The following CACNA1D variants were observed in gnomAD, a reference collection of about 807,000 sequenced individuals.
CACNA1D encodes voltage-dependent L-type calcium channel subunit alpha-1D.
A neutral mutation model predicts 257.1 loss-of-function variants in CACNA1D; 55 were observed. The observed-to-expected ratio is 0.21, with a 90% CI of 0.17 to 0.27. The LOEUF is 0.27. Among genes scored for constraint, CACNA1D ranks in the 10% least tolerant of loss-of-function variants. The probability of loss-of-function intolerance (pLI) is 1.00; values close to 1 mark genes in which losing one functional copy is unlikely to be tolerated. For synonymous variants in CACNA1D, 980 were observed against 1,014.9 expected (o/e 0.97, Z 0.65); for missense variants, 1,876 against 2,784.0 (o/e 0.67, Z 7.34).
At chr3:53,739,487 C>T (rs1171944758) in intron 20 of CACNA1D, among the ~76,000 whole-genome samples, 1 of 152,130 alleles carries the variant, frequency 6.6e-6, no homozygotes, top group Non-Finnish European at 1.5e-5. Flanking sequence ...GAAGCAGGGA[C>T]CCCAGAAAGG....
chr3:53,765,393 A>G (rs1320194708), intron 30 of CACNA1D: 1 of 152,408 alleles, frequency 6.6e-6, no homozygotes, highest in East Asian at 1.9e-4. Context: ...TCTTCCCCAA[A>G]CTCTGTTGAT....
At chr3:53,576,187 G>A (rs115753418) in intron 3 of CACNA1D, among the ~76,000 whole-genome samples, 128 of 152,244 alleles carry the variant, frequency 8.4e-4, no homozygotes, top group African/African-American at 1.6e-3. Context: ...AAACGTTACC[G>A]TCTGTTTCCA....
At chr3:53,555,464 T>TTG (rs1347376500) in intron 3 of CACNA1D, among the ~76,000 whole-genome samples, 2 of 102,678 alleles carry the variant, frequency 1.9e-5, no homozygotes, top group African/African-American at 4.2e-5. Flanking sequence ...GTGTGTGTTT[T>TTG]TTTTTTTTTT....
chr3:53,622,587 C>CAT lies in CACNA1D; in HGVS notation c.484-28191_484-28190insTA, dbSNP rs561862803. 4.7e-3 allele frequency among the ~76,000 whole-genome samples: 720 copies of CAT among 152,174 alleles called. 6 individuals carry two copies. Among genetic ancestry groups the CAT allele is most frequent in the African/African-American group, 0.016 (670 of 41,522 alleles). ...GCTAAATGATGAGAACACATGGACA[C>CAT]AGAGGGCAACAACACACACTGGGTC... On this transcript the variant is annotated intron_variant, in intron 3 of 47. Transcript: ENST00000350061.
At chr3:53,714,142 C>T (rs2094793276) in intron 9 of CACNA1D, among the ~76,000 whole-genome samples, 1 of 152,234 alleles carries the variant, frequency 6.6e-6, no homozygotes, top group East Asian at 1.9e-4. Flanking sequence ...TAACAAAGCT[C>T]TAACATTCCA....
Position 53,614,142 on chromosome 3 carries a change from A to G in CACNA1D, c.484-36637A>G, listed in dbSNP as rs200953228. 1.8e-4 allele frequency among the ~76,000 whole-genome samples: 28 copies of G among 151,474 alleles called. No homozygotes were observed. The East Asian group carries it at 2.9e-3, about 16-fold the overall frequency. On this transcript the variant is annotated intron_variant, in intron 3 of 47. Coordinates refer to ENST00000350061, the MANE Select transcript of CACNA1D (RefSeq NM_001128840.3). ...CCCCCAACTCAAAAAAAAAAAAAAAAAGAGAGACAAGAAAGTACCCTTAGG... is the reference window on the plus strand; with the variant it reads ...CCCCCAACTCAAAAAAAAAAAAAAAGAGAGAGACAAGAAAGTACCCTTAGG...
chr3:53,680,868 T>C (rs2094423464), intron 8 of CACNA1D, among the ~76,000 whole-genome samples: 1 of 152,226 alleles, frequency 6.6e-6, no homozygotes, highest in Non-Finnish European at 1.5e-5. Flanking sequence ...TAAAATTGCT[T>C]TTACAGAGAT....
chr3:53,556,807 C>T (rs1014780973), intron 3 of CACNA1D, among the ~76,000 whole-genome samples: 1 of 151,932 alleles, frequency 6.6e-6, no homozygotes. Flanking sequence ...CTTCTGCCTC[C>T]TGGGTTCAAG....
intron 3 of CACNA1D, among the ~76,000 whole-genome samples, chr3:53,598,727 T>C (rs753483200): frequency 6.6e-6 from 1 of 152,204 alleles, no homozygotes; most frequent in Non-Finnish European, 1.5e-5. Context: ...AATTACATAG[T>C]CAACCCCTGG....
Position 53,813,687 on chromosome 3 carries a change from C to T in CACNA1D, c.*2281C>T, listed in dbSNP as rs1267803781. 1.3e-5 allele frequency: 2 copies of T among 152,186 alleles called. No individual in the cohort carries two copies. The highest frequency in any genetic ancestry group is 4.8e-5 in the African/African-American group (2 of 41,438). 9.4% of individuals were successfully genotyped at this position (152,186 alleles called of 1,614,324 possible). On this transcript the variant is annotated 3_prime_UTR_variant, in exon 48 of 48. Transcript: ENST00000350061. ...ATTTCCTAGTATGTCTGCTTTAAGC[C>T]TGGTTCAACCTCTCATCGAATATTA...
At chr3:53,784,680 G>A (rs1227277552) in intron 39 of CACNA1D, among the ~76,000 whole-genome samples, 2 of 152,192 alleles carry the variant, frequency 1.3e-5, no homozygotes, top group Non-Finnish European at 2.9e-5. Flanking sequence ...AGAAGACACA[G>A]AGCCCTGGAA....
chr3:53,745,516 G>A (rs1395423364), intron 23 of CACNA1D, 108 bp from the exon 24 acceptor site: 1 of 723,888 alleles, frequency 1.4e-6, no homozygotes, highest in Non-Finnish European at 2.5e-6. Context: ...GCTGGGATTA[G>A]AGGTGTGAGC....
chr3:53,593,634 A>G (rs1475985253), intron 3 of CACNA1D, among the ~76,000 whole-genome samples: 1 of 151,982 alleles, frequency 6.6e-6, no homozygotes, highest in Non-Finnish European at 1.5e-5. Context: ...CTTGGTGTTG[A>G]AGTCATGAGC....
At chr3:53,618,707 G>T (rs904911289) in intron 3 of CACNA1D, among the ~76,000 whole-genome samples, 1 of 152,174 alleles carries the variant, frequency 6.6e-6, no homozygotes, top group African/African-American at 2.4e-5. Flanking sequence ...ATCTCTGCTC[G>T]TTGGTCAGAC....
intron 3 of CACNA1D, among the ~76,000 whole-genome samples, chr3:53,572,851 G>A (rs543553788): frequency 3.9e-5 from 6 of 152,178 alleles, no homozygotes; most frequent in Admixed American, 2.0e-4. Flanking sequence ...CATGTTCCCC[G>A]TCTCAACACC....
At chr3:53,659,190 T>C (rs979203818) in intron 4 of CACNA1D, among the ~76,000 whole-genome samples, 7 of 152,236 alleles carry the variant, frequency 4.6e-5, no homozygotes, top group Non-Finnish European at 5.9e-5. Context: ...CAAAAGTCAC[T>C]GTTAAATGAG....
chr3:53,576,004 G>A (rs1439547761), intron 3 of CACNA1D, among the ~76,000 whole-genome samples: 5 of 152,168 alleles, frequency 3.3e-5, no homozygotes, highest in Non-Finnish European at 5.9e-5. Flanking sequence ...CTTTAGTTGG[G>A]AAGAGATTTT....
intron 8 of CACNA1D, among the ~76,000 whole-genome samples, chr3:53,681,554 G>C (rs1475425930): frequency 6.6e-6 from 1 of 152,162 alleles, no homozygotes; most frequent in East Asian, 1.9e-4. Flanking sequence ...GTGGTGGAAT[G>C]TAGGCACTGG....
chr3:53,770,266 T>A (rs567368464), intron 31 of CACNA1D, among the ~76,000 whole-genome samples, 158 bp from the exon 32 acceptor site: 4 of 152,224 alleles, frequency 2.6e-5, no homozygotes, highest in Non-Finnish European at 4.4e-5. Context: ...TGTTAGCATG[T>A]AACTCTTCCT....
Sources: allele counts gnomAD v4.1 joint callset (sites outside exome capture counted in the v4.1 genomes callset), GRCh38; gene constraint gnomAD v4.1.1; transcripts MANE v1.5; gene names NCBI Gene and HGNC (gene_info 2026-07-23, HGNC 2026-07-21).